ACVR1: variants seen among roughly 807,000 people sequenced by gnomAD.
The protein encoded by ACVR1 is activin A receptor type 1, also known as activin receptor type-1.
A neutral mutation model predicts 57.1 loss-of-function variants in ACVR1; 38 were observed. The ratio of observed to expected loss-of-function variants is 0.67; its 90% confidence interval spans 0.51 to 0.87. The LOEUF (loss-of-function observed/expected upper bound fraction) is 0.87, where lower values mean the gene tolerates loss of function less well. ACVR1 is among the 40% of genes least tolerant of loss of function. The pLI, the probability that ACVR1 is intolerant of heterozygous loss-of-function variation, is 0.00. For missense variants in ACVR1, 463 were observed against 638.2 expected, an observed-to-expected ratio of 0.73 and a Z score of 2.96; for synonymous variants, 212 against 228.1, an observed-to-expected ratio of 0.93 and a Z score of 0.63.
At chr2:157,771,066 AAAC>A (rs2105267202) in intron 6 of ACVR1, among the ~76,000 whole-genome samples, 1 of 152,354 alleles carries the variant, frequency 6.6e-6, no homozygotes, top group East Asian at 1.9e-4. Context: ...AAGGATTAAA[AAAC>A]AAAAACAAAC....
chr2:157,857,481 G>A (rs1268239168), intron 1 of ACVR1, among the ~76,000 whole-genome samples: 1 of 151,718 alleles, frequency 6.6e-6, no homozygotes, highest in African/African-American at 2.4e-5. Context: ...GACCAGAATT[G>A]CACCCTGGAT....
chr2:157,810,111 A>T (rs1687700609), intron 2 of ACVR1, among the ~76,000 whole-genome samples: 1 of 152,184 alleles, frequency 6.6e-6, no homozygotes, highest in African/African-American at 2.4e-5. Context: ...AAAATAAAAC[A>T]AAGACCCCAA....
chr2:157,786,170 C>A lies in ACVR1; in HGVS notation c.68-5570G>T, dbSNP rs558364847. Among the ~76,000 whole-genome samples, 7 of 152,302 alleles carry A rather than the reference C, an allele frequency of 4.6e-5. No individual in the cohort carries two copies. The South Asian group carries it at 1.4e-3, about 32-fold the overall frequency. ...CCTCAGAGAAGCCTTTGTTCACACA[C>A]CCAGATTTAAAGTAGGAACCCCCCT... is the stretch of plus-strand genomic sequence containing the variant. On this transcript the variant is annotated intron_variant, in intron 3 of 10. Coordinates refer to ENST00000434821, the MANE Select transcript of ACVR1 (RefSeq NM_001111067.4).
intron 4 of ACVR1, among the ~76,000 whole-genome samples, chr2:157,778,675 C>G (rs1439245696): frequency 1.3e-5 from 2 of 152,200 alleles, no homozygotes; most frequent in African/African-American, 2.4e-5. Flanking sequence ...CCATCAAGCC[C>G]TTACAGACAC....
At chr2:157,762,191 C>T (rs1391504022) in intron 8 of ACVR1, among the ~76,000 whole-genome samples, 2 of 152,320 alleles carry the variant, frequency 1.3e-5, no homozygotes, top group East Asian at 3.9e-4. Context: ...ACTTATCCTT[C>T]AGTTACCCGC....
At position 157,835,810 on chromosome 2, in the gene ACVR1, A is replaced by G. The variant is rs563232912; in HGVS notation, c.-182-17251T>C. Among the ~76,000 whole-genome samples the G allele has an allele frequency of 1.8e-4, 27 of 152,376 alleles. No homozygotes were observed. The Middle Eastern group carries it at 0.01, about 58-fold the overall frequency. On this transcript the variant is annotated intron_variant, in intron 1 of 10. Coordinates refer to ENST00000434821, the MANE Select transcript of ACVR1 (RefSeq NM_001111067.4). ...AGAACAAAGGGAAACCTTCACATTG[A>G]TAACCAGTATGCAGATTACATCCTC...
intron 9 of ACVR1, among the ~76,000 whole-genome samples, chr2:157,743,119 AC>A (rs1290208388): frequency 1.3e-5 from 2 of 151,996 alleles, no homozygotes; most frequent in Non-Finnish European, 2.9e-5. Context: ...CCTTCAGCCT[AC>A]CTTTTGTCTG....
intron 3 of ACVR1, among the ~76,000 whole-genome samples, chr2:157,787,923 TG>T (rs911398601): frequency 1.3e-5 from 2 of 152,190 alleles, no homozygotes; most frequent in Non-Finnish European, 2.9e-5. Context: ...ATTCATGGAC[TG>T]GGCCTCCTCC....
At chr2:157,853,067 C>T (rs1022397512) in intron 1 of ACVR1, among the ~76,000 whole-genome samples, 1 of 152,154 alleles carries the variant, frequency 6.6e-6, no homozygotes, top group Non-Finnish European at 1.5e-5. Context: ...CGACTTGTTC[C>T]ATGCCCAAAT....
chr2:157,773,964 A>G (rs969529320), intron 6 of ACVR1, 124 bp downstream of exon 6: 2 of 787,706 alleles, frequency 2.5e-6, no homozygotes, highest in African/African-American at 3.5e-5. Context: ...TAGAGACCAC[A>G]TCTCATAAGT....
At chr2:157,861,766 A>G (rs1344312291) in intron 1 of ACVR1, among the ~76,000 whole-genome samples, 1 of 152,234 alleles carries the variant, frequency 6.6e-6, no homozygotes, top group African/African-American at 2.4e-5. Context: ...CATCATACTT[A>G]AGAGAGCATT....
chr2:157,875,967 A>AGCG lies in ACVR1; in HGVS notation c.-357_-355dup, dbSNP rs982355422. On this transcript the variant is annotated 5_prime_UTR_variant, in exon 1 of 11. Coordinates refer to ENST00000434821, the MANE Select transcript of ACVR1 (RefSeq NM_001111067.4). Reference sequence around the variant, plus strand: ...AGCCGGGGGCCGAGGGCCGGCCCAGAGCGGCGGCGGCTGCGGTGGCTGCAG... The same window carrying AGCG: ...AGCCGGGGGCCGAGGGCCGGCCCAGAGCGGCGGCGGCGGCTGCGGTGGCTGCAG... 6.7e-6 allele frequency: 1 copy of AGCG among 149,072 alleles called. No individual in the cohort carries two copies. The highest frequency in any genetic ancestry group is 1.5e-5 in the Non-Finnish European group (1 of 67,250). The allele number at this position is 149,072 out of a possible 1,614,324, so 9.2% of individuals were successfully genotyped here.
In ACVR1 at chr2:157,780,420, G is replaced by T; in HGVS notation, c.248C>A (p.Thr83Asn). The T allele has an allele frequency of 1.9e-6, 3 of 1,614,170 alleles. No individual in the cohort carries two copies. The Admixed American group carries it at 5.0e-5, about 27-fold the overall frequency. Residue 83 changes from threonine (T) to asparagine (N), a missense_variant, in exon 4 of 11, where the codon ACC (threonine) becomes AAC (asparagine). Physicochemically the swap from Thr to Asn is moderately conservative, Grantham distance 65. Coordinates refer to ENST00000434821, the MANE Select transcript of ACVR1 (RefSeq NM_001111067.4). ...CACGGCTTGGCCAGGGGACGGCGGGGTCTTACAGGTCATCTTTCCCTGCTC... is the reference window on the plus strand; with the variant it reads ...CACGGCTTGGCCAGGGGACGGCGGGTTCTTACAGGTCATCTTTCCCTGCTC... ...VYEQGKMTCK[T>N]PPSPGQAVEC...
chr2:157,801,001 T>A (rs1422160565), intron 2 of ACVR1, among the ~76,000 whole-genome samples: 1 of 152,096 alleles, frequency 6.6e-6, no homozygotes, highest in Admixed American at 6.6e-5. Context: ...GCCCCCGGCA[T>A]GGAATCATAA....
chr2:157,767,433 G>T (rs925390694), intron 7 of ACVR1, among the ~76,000 whole-genome samples: 1 of 152,088 alleles, frequency 6.6e-6, no homozygotes, highest in East Asian at 1.9e-4. Context: ...AAATTGTGAC[G>T]TGTGCTTGCC....
At chr2:157,825,040 C>G (rs907024223) in intron 1 of ACVR1, among the ~76,000 whole-genome samples, 1 of 152,120 alleles carries the variant, frequency 6.6e-6, no homozygotes, top group African/African-American at 2.4e-5. Context: ...GAGATTACCA[C>G]GCCCAGCCAC....
chr2:157,773,330 T>C (rs1175185395), intron 6 of ACVR1, among the ~76,000 whole-genome samples: 1 of 152,230 alleles, frequency 6.6e-6, no homozygotes, highest in Non-Finnish European at 1.5e-5. Flanking sequence ...TTACAAATTT[T>C]GACCCAGGAA....
At chr2:157,770,547 A>T (rs775046989) in intron 6 of ACVR1, 33 bp from the exon 7 acceptor site, 3 of 1,613,582 alleles carry the variant, frequency 1.9e-6, no homozygotes, top group Non-Finnish European at 2.5e-6. Flanking sequence ...GACACAGAAC[A>T]GTAGTCATTT....
intron 1 of ACVR1, among the ~76,000 whole-genome samples, chr2:157,863,336 C>CTTT (rs1161335923): frequency 0.18 from 6,412 of 35,544 alleles, 2,219 homozygotes; most frequent in Non-Finnish European, 0.23. Context: ...AATTGTTTCT[C>CTTT]TTTTTTTTTT....
Sources: gnomAD v4.1 joint callset for allele counts (sites outside exome capture counted in the v4.1 genomes callset) on GRCh38, gnomAD v4.1.1 for gene constraint, MANE v1.5 for transcripts, NCBI Gene and HGNC (gene_info 2026-07-23, HGNC 2026-07-21) for gene names.